The following ZNF804B variants were observed in gnomAD, a reference collection of about 807,000 sequenced individuals.
ZNF804B encodes zinc finger protein 804B, also known as zinc finger 804B.
A neutral mutation model predicts 101.4 loss-of-function variants in ZNF804B; 80 were observed. The observed-to-expected ratio is 0.79, with a 90% CI of 0.66 to 0.95. The LOEUF (loss-of-function observed/expected upper bound fraction) is 0.95, where lower values mean the gene tolerates loss of function less well. Among genes scored for constraint, ZNF804B ranks in the 40% least tolerant of loss-of-function variants. ZNF804B has a pLI of 0.00. For missense variants in ZNF804B, 1,673 were observed against 1,561.9 expected (o/e 1.07, Z -1.20); for synonymous variants, 622 against 558.8 (o/e 1.11, Z -1.59).
chr7:88,859,535 A>G (rs940129093), intron 1 of ZNF804B, among the ~76,000 whole-genome samples: 1 of 152,108 alleles, frequency 6.6e-6, no homozygotes, highest in South Asian at 2.1e-4. Flanking sequence ...TATTCTCTTT[A>G]ATTCTCTCTT....
At chr7:89,065,210 C>T (rs1789440915) in intron 1 of ZNF804B, among the ~76,000 whole-genome samples, 1 of 152,126 alleles carries the variant, frequency 6.6e-6, no homozygotes, top group African/African-American at 2.4e-5. Flanking sequence ...ATGAATGAGG[C>T]CTCCACTGTG....
chr7:88,781,409 T>A (rs1790224284), intron 1 of ZNF804B, among the ~76,000 whole-genome samples: 1 of 152,160 alleles, frequency 6.6e-6, no homozygotes, highest in Non-Finnish European at 1.5e-5. Flanking sequence ...TTCAGCCTAC[T>A]GACTCCTTGT....
chr7:88,921,479 G>C (rs1008174147), intron 1 of ZNF804B, among the ~76,000 whole-genome samples: 3 of 152,174 alleles, frequency 2.0e-5, no homozygotes, highest in Admixed American at 2.0e-4. Flanking sequence ...CATTTCTATT[G>C]TATGTACAAA....
At chr7:89,292,356 A>G (rs1790310093) in intron 2 of ZNF804B, among the ~76,000 whole-genome samples, 1 of 152,130 alleles carries the variant, frequency 6.6e-6, no homozygotes, top group Non-Finnish European at 1.5e-5. Context: ...TTTTCAAGAC[A>G]TAGTACAATA....
At chr7:89,302,021 A>G (rs1000286253) in intron 2 of ZNF804B, among the ~76,000 whole-genome samples, 4 of 151,928 alleles carry the variant, frequency 2.6e-5, no homozygotes, top group African/African-American at 9.7e-5. Context: ...AGCTTGAACT[A>G]TCAACTTGAA....
At chr7:89,124,321 A>C (rs188550420) in intron 1 of ZNF804B, among the ~76,000 whole-genome samples, 1 of 152,140 alleles carries the variant, frequency 6.6e-6, no homozygotes, top group East Asian at 1.9e-4. Flanking sequence ...TATTTACTCT[A>C]TCCTACGCAG....
intron 2 of ZNF804B, among the ~76,000 whole-genome samples, chr7:89,274,137 T>TTTTTA (rs201219183): frequency 0.26 from 37,692 of 144,882 alleles, 5,009 homozygotes; most frequent in African/African-American, 0.29. Flanking sequence ...TTTTTTTTTC[T>TTTTTA]TTTTATTTTA....
chr7:89,184,524 T>C (rs139900889), intron 1 of ZNF804B, among the ~76,000 whole-genome samples: 60 of 152,314 alleles, frequency 3.9e-4, no homozygotes, highest in African/African-American at 1.3e-3. Flanking sequence ...TCTTTATCAG[T>C]TTCGTGTTCA....
intron 1 of ZNF804B, chr7:88,795,124 A>C: frequency 2.1e-6 from 1 of 476,242 alleles, no homozygotes; most frequent in Non-Finnish European, 3.7e-6. Context: ...TGCCAGTTTT[A>C]TCAGGAAACA....
chr7:89,319,272 T>A lies in ZNF804B; in HGVS notation c.250-8072T>A, dbSNP rs571436755. Among the ~76,000 whole-genome samples the A allele has an allele frequency of 2.0e-4, 30 of 152,104 alleles. 1 individual carries two copies. The highest frequency in any genetic ancestry group is 1.2e-3 in the East Asian group (6 of 5,186). The stretch of plus-strand genomic sequence containing the variant: ...AACACTCCATCTCAAAAATAAATAA[T>A]TAATTAATTAATTTTAAAAAATTAA... On this transcript the variant is annotated intron_variant, in intron 2 of 3. Transcript: ENST00000333190.
intron 2 of ZNF804B, among the ~76,000 whole-genome samples, chr7:89,276,588 C>T (rs943260414): frequency 6.6e-6 from 1 of 151,802 alleles, no homozygotes; most frequent in South Asian, 2.1e-4. Flanking sequence ...CTATTTTATG[C>T]ATGTTTCAAA....
intron 1 of ZNF804B, among the ~76,000 whole-genome samples, chr7:88,904,922 A>G (rs1255676325): frequency 6.6e-6 from 1 of 152,088 alleles, no homozygotes; most frequent in Non-Finnish European, 1.5e-5. Context: ...TTCTTTTCCT[A>G]TTTGGATGCC....
intron 1 of ZNF804B, among the ~76,000 whole-genome samples, chr7:89,089,065 T>C (rs1217797232): frequency 6.6e-6 from 1 of 150,804 alleles, no homozygotes; most frequent in Non-Finnish European, 1.5e-5. Flanking sequence ...TTCTTTTTTT[T>C]TTTTTTCCTA....
At chr7:88,783,405 C>T (rs934688612) in intron 1 of ZNF804B, among the ~76,000 whole-genome samples, 18 of 152,086 alleles carry the variant, frequency 1.2e-4, no homozygotes, top group Non-Finnish European at 2.5e-4. Context: ...TGACTTTGGG[C>T]GCATCTCTAC....
At chr7:89,259,371 T>C (rs1789678999) in intron 2 of ZNF804B, among the ~76,000 whole-genome samples, 1 of 152,228 alleles carries the variant, frequency 6.6e-6, no homozygotes, top group South Asian at 2.1e-4. Context: ...ATTTCCTTGA[T>C]TGGCTCTGTT....
intron 2 of ZNF804B, among the ~76,000 whole-genome samples, chr7:89,308,808 T>C (rs1292924420): frequency 6.6e-6 from 1 of 152,188 alleles, no homozygotes; most frequent in Non-Finnish European, 1.5e-5. Flanking sequence ...CAATACAGTC[T>C]GAAAGTAGCC....
intron 1 of ZNF804B, among the ~76,000 whole-genome samples, chr7:88,844,286 A>G (rs944262815): frequency 7.9e-5 from 12 of 152,164 alleles, no homozygotes; most frequent in Non-Finnish European, 1.3e-4. Flanking sequence ...ATTAACCATG[A>G]ATGTCTTTTA....
At chr7:88,824,687 G>A (rs946978244) in intron 1 of ZNF804B, among the ~76,000 whole-genome samples, 2 of 151,812 alleles carry the variant, frequency 1.3e-5, no homozygotes, top group African/African-American at 4.8e-5. Context: ...GGTGAATAAA[G>A]CTCATTTTGT....
chr7:89,322,554 A>G (rs1278183346), intron 2 of ZNF804B, among the ~76,000 whole-genome samples: 2 of 152,182 alleles, frequency 1.3e-5, no homozygotes, highest in Non-Finnish European at 2.9e-5. Context: ...AATATAGAAT[A>G]CACAGATTGC....
Sources: allele counts gnomAD v4.1 joint callset (sites outside exome capture counted in the v4.1 genomes callset), GRCh38; gene constraint gnomAD v4.1.1; transcripts MANE v1.5; gene names NCBI Gene and HGNC (gene_info 2026-07-23, HGNC 2026-07-21).